Variants in CREBBP observed in about 807,000 individuals in gnomAD.
CREBBP encodes the protein CREB binding lysine acetyltransferase.
A neutral mutation model predicts 265.0 loss-of-function variants in CREBBP; 19 were observed. The observed-to-expected ratio is 0.07, with a 90% CI of 0.05 to 0.11. CREBBP has a LOEUF of 0.11. CREBBP is among the 10% of genes least tolerant of loss of function. The probability of loss-of-function intolerance (pLI) is 1.00; values close to 1 mark genes in which losing one functional copy is unlikely to be tolerated. For missense variants in CREBBP, 2,525 were observed against 3,219.0 expected, an observed-to-expected ratio of 0.78 and a Z score of 5.22; for synonymous variants, 1,457 against 1,223.7, an observed-to-expected ratio of 1.19 and a Z score of -3.98.
intron 21 of CREBBP, among the ~76,000 whole-genome samples, chr16:3,749,116 C>CA (rs1489313327): frequency 6.6e-6 from 1 of 152,214 alleles, no homozygotes; most frequent in African/African-American, 2.4e-5. Flanking sequence ...CACTGCACTC[C>CA]AGCCTCGGGG....
chr16:3,836,040 T>A (rs1015271506), intron 2 of CREBBP, among the ~76,000 whole-genome samples: 7 of 151,832 alleles, frequency 4.6e-5, no homozygotes, highest in Admixed American at 4.6e-4. Context: ...AGAAAACAAG[T>A]TGTGAGCAAA....
At chr16:3,861,773 T>A (rs1597073458) in intron 1 of CREBBP, among the ~76,000 whole-genome samples, 2 of 151,940 alleles carry the variant, frequency 1.3e-5, no homozygotes. Flanking sequence ...TTTTTTTTTT[T>A]TACAATGACT....
chr16:3,732,684 C>G (rs1433723016), intron 28 of CREBBP, among the ~76,000 whole-genome samples: 1 of 151,672 alleles, frequency 6.6e-6, no homozygotes, highest in Admixed American at 6.6e-5. Context: ...TTATAGGCAC[C>G]CGCCACCATG....
At chr16:3,873,401 A>G (rs2055338835) in intron 1 of CREBBP, among the ~76,000 whole-genome samples, 1 of 152,184 alleles carries the variant, frequency 6.6e-6, no homozygotes, top group Admixed American at 6.5e-5. Context: ...ATTCCCGGCT[A>G]TGTATCTGCT....
chr16:3,829,461 A>G (rs539854004), intron 2 of CREBBP, among the ~76,000 whole-genome samples: 19 of 152,360 alleles, frequency 1.2e-4, no homozygotes, highest in Non-Finnish European at 1.5e-5. Context: ...TGGAGCTGTA[A>G]CTAAGTGTGC....
intron 21 of CREBBP, among the ~76,000 whole-genome samples, chr16:3,748,104 A>AATAC (rs150411875): frequency 4.7e-4 from 71 of 150,796 alleles, no homozygotes; most frequent in East Asian, 7.9e-4. Context: ...AATAAAAATA[A>AATAC]ATACATACAT....
intron 21 of CREBBP, among the ~76,000 whole-genome samples, chr16:3,746,557 G>A (rs963150941): frequency 2.6e-5 from 4 of 152,104 alleles, no homozygotes; most frequent in African/African-American, 9.7e-5. Flanking sequence ...AATTTCAAAG[G>A]TTGGGGCCAA....
At chr16:3,757,409 A>C (rs1304659427) in intron 18 of CREBBP, 33 bp from the exon 19 acceptor site, 1 of 1,500,812 alleles carries the variant, frequency 6.7e-7, no homozygotes, top group South Asian at 1.2e-5. Flanking sequence ...CTTTTATATA[A>C]AAATACATTC....
chr16:3,750,853 A>G (rs2052456392), intron 20 of CREBBP, among the ~76,000 whole-genome samples: 1 of 152,198 alleles, frequency 6.6e-6, no homozygotes, highest in African/African-American at 2.4e-5. Flanking sequence ...GAGATAAACT[A>G]AATGTAAAGG....
At chr16:3,829,673 T>C (rs1358545696) in intron 2 of CREBBP, among the ~76,000 whole-genome samples, 2 of 152,230 alleles carry the variant, frequency 1.3e-5, no homozygotes, top group Admixed American at 6.5e-5. Context: ...AGAATCAAAC[T>C]GATCTGAGTA....
At position 3,726,409 on chromosome 16, in the gene CREBBP, G is replaced by A. The variant is rs1596777205; in HGVS notation, c.*1309C>T. ...GCCTCGAATGTGTGGGGCCAACGCT[G>A]AGCCGCCCACCTCAGTCGCCCACCT... is the stretch of plus-strand genomic sequence containing the variant. On this transcript the variant is annotated 3_prime_UTR_variant, in exon 31 of 31. Transcript: ENST00000262367. The A allele has an allele frequency of 4.3e-6, 1 of 231,258 alleles. No individual in the cohort carries two copies. 14.3% of individuals were successfully genotyped at this position (231,258 alleles called of 1,614,324 possible). A position where few individuals can be genotyped will look rare whatever the true frequency, so the allele number is the denominator to read the frequency against.
At chr16:3,867,414 C>T (rs1023769313) in intron 1 of CREBBP, among the ~76,000 whole-genome samples, 3 of 152,036 alleles carry the variant, frequency 2.0e-5, no homozygotes, top group Non-Finnish European at 2.9e-5. Flanking sequence ...ATGGCTTGAG[C>T]CCAGGAGTTT....
chr16:3,812,060 G>T (rs1169950263), intron 2 of CREBBP, among the ~76,000 whole-genome samples: 1 of 152,024 alleles, frequency 6.6e-6, no homozygotes, highest in Non-Finnish European at 1.5e-5. Flanking sequence ...GGAGGTGGCA[G>T]GAAAAGGGCA....
chr16:3,745,202 A>G (rs761294067), intron 22 of CREBBP, 75 bp downstream of exon 22: 33 of 1,257,202 alleles, frequency 2.6e-5, no homozygotes, highest in Non-Finnish European at 3.7e-5. Context: ...AATGAATGAG[A>G]TGCAGTAGCC....
intron 14 of CREBBP, among the ~76,000 whole-genome samples, chr16:3,770,341 C>T (rs1311875369): frequency 6.6e-6 from 1 of 152,054 alleles, no homozygotes; most frequent in African/African-American, 2.4e-5. Flanking sequence ...AGGCACACAC[C>T]ACCATGCTTG....
chr16:3,786,466 C>T (rs1475762367), intron 5 of CREBBP, among the ~76,000 whole-genome samples: 1 of 152,220 alleles, frequency 6.6e-6, no homozygotes, highest in African/African-American at 2.4e-5. Flanking sequence ...AGCCCCTAAT[C>T]ATCCTCAATA....
intron 13 of CREBBP, among the ~76,000 whole-genome samples, chr16:3,772,388 G>A (rs1473556664): frequency 6.6e-6 from 1 of 150,648 alleles, no homozygotes; most frequent in Non-Finnish European, 1.5e-5. Context: ...AAAGAGAACT[G>A]TTTCAGTGCA....
rs1384119979 is a variant in CREBBP, at chr16:3,793,542, T to C, written c.1060A>G (p.Ile354Val). 6.2e-7 allele frequency: 1 copy of C among 1,614,204 alleles called. No homozygotes were observed. The highest frequency in any genetic ancestry group is 2.2e-5 in the East Asian group (1 of 44,876). ...PTADPEKRKL[I>V]QQQLVLLLHA... ...AGCAGTAGAACCAGCTGCTGCTGTATCAGTTTGCGTTTTTCAGGATCTGCA... is the reference window on the plus strand; with the variant it reads ...AGCAGTAGAACCAGCTGCTGCTGTACCAGTTTGCGTTTTTCAGGATCTGCA... The change falls in exon 4 of 31, where the codon ATA (isoleucine) becomes GTA (valine). Residue 354 changes from isoleucine (I) to valine (V), a missense_variant. Ile to Val is a conservative substitution (Grantham distance 29). Coordinates refer to ENST00000262367, the MANE Select transcript of CREBBP (RefSeq NM_004380.3).
At chr16:3,788,494 C>T (rs1222433115) in intron 5 of CREBBP, among the ~76,000 whole-genome samples, 1 of 152,190 alleles carries the variant, frequency 6.6e-6, no homozygotes, top group Non-Finnish European at 1.5e-5. Flanking sequence ...CCCAGTCAAC[C>T]ATGCCACTCT....
Sources: allele counts gnomAD v4.1 joint callset (sites outside exome capture counted in the v4.1 genomes callset), GRCh38; gene constraint gnomAD v4.1.1; transcripts MANE v1.5; gene names NCBI Gene and HGNC (gene_info 2026-07-23, HGNC 2026-07-21).